Variants in SULF1 observed in about 807,000 individuals in gnomAD.
The protein encoded by SULF1 is sulfatase 1.
In SULF1, 46 loss-of-function variants were observed where a neutral mutation model predicts 110.5. That is an observed-to-expected ratio of 0.42 (90% CI 0.33 to 0.53). The LOEUF (loss-of-function observed/expected upper bound fraction) is 0.53. SULF1 is among the 20% of genes least tolerant of loss of function. The pLI is 0.12. For synonymous variants in SULF1, 371 were observed against 387.1 expected, an observed-to-expected ratio of 0.96 and a Z score of 0.49; for missense variants, 941 against 1,094.2, an observed-to-expected ratio of 0.86 and a Z score of 1.98.
At chr8:69,480,178 A>G (rs1182520813) in intron 1 of SULF1, among the ~76,000 whole-genome samples, 2 of 152,208 alleles carry the variant, frequency 1.3e-5, no homozygotes, top group African/African-American at 2.4e-5. Flanking sequence ...ACTGTTGATG[A>G]TGACAATATT....
At chr8:69,545,063 A>G (rs1417717338) in intron 3 of SULF1, among the ~76,000 whole-genome samples, 2 of 148,650 alleles carry the variant, frequency 1.3e-5, no homozygotes, top group Non-Finnish European at 3.0e-5. Flanking sequence ...ATCCTAAAAA[A>G]TTATAAAAAG....
At chr8:69,642,279 T>C (rs1161364229) in intron 22 of SULF1, 43 of 987,154 alleles carry the variant, frequency 4.4e-5, no homozygotes, top group Non-Finnish European at 4.9e-5. Flanking sequence ...AGCTATGGTC[T>C]CAGATGCTTC....
At chr8:69,470,856 C>T (rs183414453) in intron 1 of SULF1, among the ~76,000 whole-genome samples, 1 of 152,308 alleles carries the variant, frequency 6.6e-6, no homozygotes, top group Non-Finnish European at 1.5e-5. Context: ...CCCTTCCTTC[C>T]AGCTAAAGTG....
intron 6 of SULF1, among the ~76,000 whole-genome samples, chr8:69,586,034 CA>C (rs776001658): frequency 2.6e-5 from 4 of 152,234 alleles, no homozygotes; most frequent in Non-Finnish European, 4.4e-5. Context: ...ATTGTTCCAT[CA>C]ACTTAACAAA....
chr8:69,494,637 C>A lies in SULF1; in HGVS notation c.-390-1128C>A, dbSNP rs138244977. Among the ~76,000 whole-genome samples the A allele has an allele frequency of 1.4e-4, 21 of 152,272 alleles. No individual in the cohort carries two copies. In the East Asian group the frequency reaches 3.9e-3, roughly 28 times the overall value. Reference sequence around the variant, plus strand: ...TGATTACAAAGATGAACCACATAATCTCAGCATTAGCCTCAAAGGCAAACT... The same window carrying A: ...TGATTACAAAGATGAACCACATAATATCAGCATTAGCCTCAAAGGCAAACT... On this transcript the variant is annotated intron_variant, in intron 1 of 22. Transcript: ENST00000402687.
chr8:69,636,841 T>C (rs1193401314), intron 19 of SULF1, among the ~76,000 whole-genome samples: 1 of 152,170 alleles, frequency 6.6e-6, no homozygotes, highest in Non-Finnish European at 1.5e-5. Flanking sequence ...ATCTCATTGA[T>C]TTGCCGAACA....
chr8:69,559,878 G>C (rs1563530484), intron 3 of SULF1, among the ~76,000 whole-genome samples: 1 of 151,822 alleles, frequency 6.6e-6, no homozygotes, highest in African/African-American at 2.4e-5. Context: ...GTGAAGCTGG[G>C]TTTTTTTTGT....
rs75690379 is a variant in SULF1 at position 69,590,572 on chromosome 8, A to G, written c.734+1431A>G. Among the ~76,000 whole-genome samples, 472 of 152,344 alleles carry G rather than the reference A, an allele frequency of 3.1e-3. 1 individual carries two copies. The highest frequency in any genetic ancestry group is 0.011 in the African/African-American group (454 of 41,582). The stretch of plus-strand genomic sequence containing the variant: ...TATCATGTGACTTAGACCAGAAAGA[A>G]GGAGGCCAGAGCTGACTCAGGACAA... On this transcript the variant is annotated intron_variant, in intron 8 of 22. Coordinates refer to ENST00000402687, the MANE Select transcript of SULF1 (RefSeq NM_001128205.2).
Position 69,517,133 on chromosome 8 carries a change from C to T in SULF1, c.-134+15165C>T, listed in dbSNP as rs1327064679. Among the ~76,000 whole-genome samples the T allele has an allele frequency of 2.6e-5, 4 of 152,150 alleles. No homozygotes were observed. The East Asian group carries it at 7.7e-4, about 29-fold the overall frequency. On this transcript the variant is annotated intron_variant, in intron 3 of 22. Coordinates refer to ENST00000402687, the MANE Select transcript of SULF1 (RefSeq NM_001128205.2). ...GCCAGCATCTGGTGAAGGTCTTGTGCTGCATCATCCCATGGCAGAAGGGTG... is the reference window on the plus strand; with the variant it reads ...GCCAGCATCTGGTGAAGGTCTTGTGTTGCATCATCCCATGGCAGAAGGGTG...
intron 22 of SULF1, among the ~76,000 whole-genome samples, chr8:69,644,177 C>T (rs1811704877): frequency 6.6e-6 from 1 of 152,150 alleles, no homozygotes; most frequent in Non-Finnish European, 1.5e-5. Context: ...CAGTGTGTGC[C>T]AAAGGTGGCT....
intron 6 of SULF1, among the ~76,000 whole-genome samples, chr8:69,579,634 T>C (rs1434776570): frequency 6.6e-6 from 1 of 151,562 alleles, no homozygotes; most frequent in Non-Finnish European, 1.5e-5. Context: ...TTATCCTTGA[T>C]GGGAAAACAT....
intron 22 of SULF1, among the ~76,000 whole-genome samples, chr8:69,645,471 C>A (rs1430488264): frequency 6.6e-6 from 1 of 152,186 alleles, no homozygotes; most frequent in Non-Finnish European, 1.5e-5. Flanking sequence ...AGAATCGAAA[C>A]AACCACCTCT....
intron 22 of SULF1, among the ~76,000 whole-genome samples, chr8:69,641,726 A>G (rs1328943639): frequency 6.6e-6 from 1 of 152,142 alleles, no homozygotes; most frequent in Non-Finnish European, 1.5e-5. Context: ...CCTGAGGGAC[A>G]GAGAGAGACC....
chr8:69,510,678 G>A (rs1811496915), intron 3 of SULF1, among the ~76,000 whole-genome samples: 1 of 149,164 alleles, frequency 6.7e-6, no homozygotes, highest in African/African-American at 2.5e-5. Context: ...GTGCAGTCGT[G>A]TGATCTTGGC....
chr8:69,648,038 A>C (rs534808780), intron 22 of SULF1, among the ~76,000 whole-genome samples: 2 of 151,848 alleles, frequency 1.3e-5, no homozygotes, highest in South Asian at 4.2e-4. Flanking sequence ...AGCCTAAATC[A>C]AATTCCATTT....
At chr8:69,479,680 A>G (rs1321074728) in intron 1 of SULF1, among the ~76,000 whole-genome samples, 2 of 152,156 alleles carry the variant, frequency 1.3e-5, no homozygotes, top group African/African-American at 4.8e-5. Context: ...AGAATGTTGG[A>G]GGCATACCTT....
intron 2 of SULF1, among the ~76,000 whole-genome samples, chr8:69,499,640 G>A (rs1405535968): frequency 1.3e-5 from 2 of 152,124 alleles, no homozygotes; most frequent in Non-Finnish European, 2.9e-5. Context: ...AACACAGCAG[G>A]AAGTATTTGA....
chr8:69,655,468 T>C (rs898656162), intron 22 of SULF1, among the ~76,000 whole-genome samples: 1 of 152,270 alleles, frequency 6.6e-6, no homozygotes, highest in Non-Finnish European at 1.5e-5. Context: ...TATTTCTCAT[T>C]GCATCTTCTA....
At chr8:69,508,279 A>G (rs1586257101) in intron 3 of SULF1, among the ~76,000 whole-genome samples, 1 of 152,014 alleles carries the variant, frequency 6.6e-6, no homozygotes, top group South Asian at 2.1e-4. Context: ...CTAATTTTGT[A>G]TTTTTGGTAG....
Sources: allele counts gnomAD v4.1 joint callset (sites outside exome capture counted in the v4.1 genomes callset), GRCh38; gene constraint gnomAD v4.1.1; transcripts MANE v1.5; gene names NCBI Gene and HGNC (gene_info 2026-07-23, HGNC 2026-07-21).